HDAC8: variants seen among roughly 807,000 people sequenced by gnomAD.
HDAC8 encodes histone deacetylase 8, also known as histone deacetylase-like 1.
A neutral mutation model predicts 32.2 loss-of-function variants in HDAC8; 1 was observed. The ratio of observed to expected loss-of-function variants is 0.03; its 90% CI spans 0.01 to 0.15. The LOEUF (loss-of-function observed/expected upper bound fraction) is 0.15, where lower values mean the gene tolerates loss of function less well. HDAC8 is among the 10% of genes least tolerant of loss of function. The probability of loss-of-function intolerance (pLI) is 1.00; values close to 1 mark genes in which losing one functional copy is unlikely to be tolerated. For synonymous variants in HDAC8, 108 were observed against 113.9 expected (o/e 0.95, Z 0.33); for missense variants, 117 against 300.0 (o/e 0.39, Z 4.51).
At chrX:72,512,394 C>T (rs1778451715) in intron 4 of HDAC8, among the ~76,000 whole-genome samples, 1 of 111,558 alleles carries the variant, frequency 9.0e-6, no homozygotes, top group South Asian at 3.8e-4. Flanking sequence ...GAGTTCACAA[C>T]TGAGTTGAAT....
intron 9 of HDAC8, among the ~76,000 whole-genome samples, chrX:72,417,478 A>G (rs782508835): frequency 9.0e-6 from 1 of 111,608 alleles, no homozygotes; most frequent in South Asian, 3.7e-4. Flanking sequence ...AATAGCCACA[A>G]AAGGAATAAA....
chrX:72,530,778 T>G (rs1556035461), intron 4 of HDAC8, among the ~76,000 whole-genome samples: 1 of 112,088 alleles, frequency 8.9e-6, no homozygotes, highest in Admixed American at 9.5e-5. Context: ...GGCTTATACT[T>G]AGTACATTCA....
At chrX:72,384,199 T>C (rs1486186815) in intron 9 of HDAC8, among the ~76,000 whole-genome samples, 1 of 111,740 alleles carries the variant, frequency 8.9e-6, no homozygotes, top group African/African-American at 3.3e-5. Flanking sequence ...AATTCAAAAA[T>C]ACAAAATGGA....
intron 4 of HDAC8, among the ~76,000 whole-genome samples, chrX:72,556,970 G>A (rs1162908819): frequency 1.8e-5 from 2 of 111,763 alleles, no homozygotes; most frequent in Non-Finnish European, 1.9e-5. Context: ...TAATCCCAGC[G>A]CTTTGGGAGG....
intron 9 of HDAC8, among the ~76,000 whole-genome samples, chrX:72,447,084 T>G (rs2047427755): frequency 8.9e-6 from 1 of 112,308 alleles, no homozygotes; most frequent in Non-Finnish European, 1.9e-5. Context: ...CCCTAACTCA[T>G]TTTATGAGGC....
intron 9 of HDAC8, among the ~76,000 whole-genome samples, chrX:72,438,203 C>T (rs782470406): frequency 1.8e-5 from 2 of 112,044 alleles, no homozygotes; most frequent in South Asian, 3.7e-4. Context: ...AGGCAAACAG[C>T]GTCTGGAGTG....
At position 72,349,030 on chromosome X, in the gene HDAC8, C is replaced by T. The variant is rs145453498; in HGVS notation, c.1111+2703G>A. On this transcript the variant is annotated intron_variant, in intron 10 of 10. Coordinates refer to ENST00000373573, the MANE Select transcript of HDAC8 (RefSeq NM_018486.3). ...CCAGTGACAGAGACCTCATGCCTTT[C>T]TAGGCAGTCTGTTCCACTTTGGATA... is the stretch of plus-strand genomic sequence containing the variant. 5.2e-3 allele frequency among the ~76,000 whole-genome samples: 590 copies of T among 112,410 alleles called. 4 individuals are homozygous for T. The highest frequency in any genetic ancestry group is 0.018 in the African/African-American group (567 of 30,974).
chrX:72,511,072 T>G (rs2049567443), intron 4 of HDAC8, among the ~76,000 whole-genome samples: 2 of 111,599 alleles, frequency 1.8e-5, no homozygotes, highest in Non-Finnish European at 3.8e-5. Flanking sequence ...AAACACTGTG[T>G]AACTTTTAGT....
chrX:72,404,103 A>G (rs2045976405), intron 9 of HDAC8, among the ~76,000 whole-genome samples: 1 of 111,850 alleles, frequency 8.9e-6, no homozygotes, highest in Non-Finnish European at 1.9e-5. Flanking sequence ...CTATATATTT[A>G]GATTTATTTA....
intron 9 of HDAC8, among the ~76,000 whole-genome samples, chrX:72,395,666 AC>A (rs1315127449): frequency 2.7e-5 from 3 of 112,383 alleles, no homozygotes; most frequent in African/African-American, 6.5e-5. Context: ...AGGGCTACAT[AC>A]AGAGAGACAG....
intron 7 of HDAC8, among the ~76,000 whole-genome samples, chrX:72,475,315 T>C (rs1284821658): frequency 8.9e-6 from 1 of 112,356 alleles, no homozygotes; most frequent in Non-Finnish European, 1.9e-5. Flanking sequence ...AGAAAAGTTA[T>C]TGCCAGCAGC....
At chrX:72,487,324 G>GA (rs1408692600) in intron 7 of HDAC8, among the ~76,000 whole-genome samples, 6 of 110,891 alleles carry the variant, frequency 5.4e-5, no homozygotes, top group East Asian at 2.8e-4. Context: ...CTGGTCTACA[G>GA]AAAAAAAAGA....
chrX:72,430,137 CTTCTT>C (rs781948103), intron 9 of HDAC8, among the ~76,000 whole-genome samples: 13 of 112,100 alleles, frequency 1.2e-4, no homozygotes, highest in Non-Finnish European at 1.9e-4. Flanking sequence ...GTCTACTTTT[CTTCTT>C]TTCTTTTTTC....
At chrX:72,542,915 C>T (rs1431105212) in intron 4 of HDAC8, among the ~76,000 whole-genome samples, 4 of 112,251 alleles carry the variant, frequency 3.6e-5, no homozygotes, top group Non-Finnish European at 5.6e-5. Context: ...CACTATTCTA[C>T]GTGCTTTACA....
intron 4 of HDAC8, among the ~76,000 whole-genome samples, chrX:72,564,254 C>T (rs1387124050): frequency 8.9e-5 from 10 of 112,192 alleles, no homozygotes; most frequent in African/African-American, 3.2e-4. Context: ...CCTTAAACTC[C>T]TTTGTAAATT....
At chrX:72,347,549 C>G (rs1028761035) in intron 10 of HDAC8, among the ~76,000 whole-genome samples, 4 of 111,786 alleles carry the variant, frequency 3.6e-5, no homozygotes, top group Admixed American at 9.5e-5. Flanking sequence ...CTCTGAGTCT[C>G]CTAGGGACCT....
intron 10 of HDAC8, among the ~76,000 whole-genome samples, chrX:72,335,987 T>G (rs1445034839): frequency 9.0e-6 from 1 of 110,660 alleles, no homozygotes; most frequent in Non-Finnish European, 1.9e-5. Context: ...CCCCCAAACA[T>G]TCATGTGCAG....
At chrX:72,525,733 G>A (rs1158828549) in intron 4 of HDAC8, among the ~76,000 whole-genome samples, 4 of 93,540 alleles carry the variant, frequency 4.3e-5, no homozygotes, top group Non-Finnish European at 8.2e-5. Context: ...AGAATGGCGT[G>A]AACCCGGGAG....
chrX:72,438,338 A>C (rs1209457468), intron 9 of HDAC8, among the ~76,000 whole-genome samples: 1 of 111,978 alleles, frequency 8.9e-6, no homozygotes, highest in Non-Finnish European at 1.9e-5. Context: ...CCCCATCCAA[A>C]GGTCACCAAC....
Sources: gnomAD v4.1 joint callset for allele counts (sites outside exome capture counted in the v4.1 genomes callset) on GRCh38, gnomAD v4.1.1 for gene constraint, MANE v1.5 for transcripts, NCBI Gene and HGNC (gene_info 2026-07-23, HGNC 2026-07-21) for gene names.